Variants in MBTD1 observed in about 807,000 individuals in gnomAD.
MBTD1 encodes the protein MBT domain-containing protein 1.
A neutral mutation model predicts 87.8 loss-of-function variants in MBTD1; 24 were observed. The ratio of observed to expected loss-of-function variants is 0.27; its 90% confidence interval spans 0.20 to 0.38. The LOEUF is 0.38. MBTD1 is among the 10% of genes least tolerant of loss of function. The pLI, the probability that MBTD1 is intolerant of heterozygous loss-of-function variation, is 1.00. For synonymous variants in MBTD1, 237 were observed against 248.6 expected (o/e 0.95, Z 0.44); for missense variants, 436 against 760.2 (o/e 0.57, Z 5.02).
At chr17:51,233,801 A>G (rs923044184) in intron 2 of MBTD1, among the ~76,000 whole-genome samples, 11 of 152,292 alleles carry the variant, frequency 7.2e-5, no homozygotes, top group African/African-American at 2.4e-4. Flanking sequence ...CAACTCTGCC[A>G]ATACTGGTAT....
intron 6 of MBTD1, among the ~76,000 whole-genome samples, chr17:51,208,108 G>A (rs1810911116): frequency 6.6e-6 from 1 of 152,184 alleles, no homozygotes; most frequent in African/African-American, 2.4e-5. Flanking sequence ...TCCTACTTTG[G>A]TGGATGCTCA....
intron 2 of MBTD1, among the ~76,000 whole-genome samples, chr17:51,249,106 A>C (rs1453860703): frequency 1.3e-5 from 2 of 151,786 alleles, no homozygotes; most frequent in Admixed American, 1.3e-4. Context: ...AAAAAAAAAA[A>C]AAAATTAGCT....
At position 51,249,208 on chromosome 17, in the gene MBTD1, C is replaced by T. The variant is rs560289658; in HGVS notation, c.-49+9935G>A. Among the ~76,000 whole-genome samples, 14 of 151,812 alleles carry T rather than the reference C, an allele frequency of 9.2e-5. No individual in the cohort carries two copies. The East Asian group carries it at 1.7e-3, about 19-fold the overall frequency. On this transcript the variant is annotated intron_variant, in intron 2 of 16. Coordinates refer to ENST00000586178, the MANE Select transcript of MBTD1 (RefSeq NM_017643.3). ...CAGGGAGGTCAAGGCTGCAGTGAGC[C>T]GTGATCATGCCACTGTACTGCAGCC...
intron 6 of MBTD1, among the ~76,000 whole-genome samples, chr17:51,208,298 T>G (rs1426726068): frequency 6.6e-6 from 1 of 152,206 alleles, no homozygotes; most frequent in African/African-American, 2.4e-5. Flanking sequence ...CCTCAGTAAC[T>G]TGGAGAAATG....
At position 51,179,191 on chromosome 17, in the gene MBTD1, A is replaced by T. The variant is rs1167277808; in HGVS notation, c.*1385T>A. The T allele has an allele frequency of 6.6e-6, 1 of 151,976 alleles. No homozygotes were observed. The highest frequency in any genetic ancestry group is 1.5e-5 in the Non-Finnish European group (1 of 67,998). 9.4% of individuals were successfully genotyped at this position (151,976 alleles called of 1,614,324 possible). On this transcript the variant is annotated 3_prime_UTR_variant, in exon 17 of 17. Coordinates refer to ENST00000586178, the MANE Select transcript of MBTD1 (RefSeq NM_017643.3). ...ACCTATATTCCAGAGGAGATGGTCA[A>T]TATTACCACTCTGAAGAGGCCAGGC...
intron 2 of MBTD1, among the ~76,000 whole-genome samples, chr17:51,245,599 G>A (rs538946144): frequency 1.3e-4 from 20 of 151,466 alleles, no homozygotes; most frequent in African/African-American, 4.9e-4. Context: ...ATCTAGTTGC[G>A]CCAACATCCT....
chr17:51,226,366 A>C (rs928001267), intron 2 of MBTD1, among the ~76,000 whole-genome samples: 3 of 151,110 alleles, frequency 2.0e-5, no homozygotes, highest in African/African-American at 7.3e-5. Context: ...AAATGCAAAA[A>C]TTAGCTGAGT....
intron 2 of MBTD1, among the ~76,000 whole-genome samples, chr17:51,230,163 A>C (rs1294188583): frequency 6.6e-6 from 1 of 152,208 alleles, no homozygotes; most frequent in Non-Finnish European, 1.5e-5. Flanking sequence ...GATTTGCTAC[A>C]ATCAGAAGAT....
chr17:51,202,154 C>T (rs1598320716), intron 10 of MBTD1, 77 bp from the exon 11 acceptor site: 2 of 825,764 alleles, frequency 2.4e-6, no homozygotes, highest in East Asian at 2.4e-5. Flanking sequence ...AGGCTTCAAA[C>T]TCACAAAGTA....
At chr17:51,192,722 T>G (rs376039417) in intron 15 of MBTD1, 60 bp downstream of exon 15, 4 of 1,596,852 alleles carry the variant, frequency 2.5e-6, no homozygotes, top group Admixed American at 3.4e-5. Flanking sequence ...TTATGTGAGA[T>G]AGTCCTCTGG....
At chr17:51,237,310 A>AAG (rs1555694886) in intron 2 of MBTD1, among the ~76,000 whole-genome samples, 4 of 151,538 alleles carry the variant, frequency 2.6e-5, no homozygotes, top group African/African-American at 9.7e-5. Flanking sequence ...AAAAAAAAAA[A>AAG]AAAAAGAAAA....
In MBTD1 at chr17:51,206,820, A is replaced by C. The variant is rs989545262; in HGVS notation, c.604+68T>G. On this transcript the variant is annotated intron_variant, in intron 7 of 16. Transcript: ENST00000586178. Reference sequence around the variant, plus strand: ...GGCAATACTTGCAAAATTTATAAACATGCTTTTTTTACGAAAGGTTACAAG... The same window carrying C: ...GGCAATACTTGCAAAATTTATAAACCTGCTTTTTTTACGAAAGGTTACAAG... 5 of 1,110,888 alleles carry C rather than the reference A, an allele frequency of 4.5e-6. No homozygotes were observed. The African/African-American group carries it at 4.7e-5, about 10-fold the overall frequency. 68.8% of individuals were successfully genotyped at this position (1,110,888 alleles called of 1,614,324 possible). A position where few individuals can be genotyped will look rare whatever the true frequency, so the allele number is the denominator to read the frequency against.
chr17:51,255,588 CTTTT>C (rs200452852), intron 2 of MBTD1, among the ~76,000 whole-genome samples: 1 of 147,058 alleles, frequency 6.8e-6, no homozygotes, highest in African/African-American at 2.5e-5. Context: ...TGATGATAAC[CTTTT>C]TTTTTTCCTT....
At chr17:51,190,771 A>ATATATATATATATATAT (rs1555677217) in intron 16 of MBTD1, among the ~76,000 whole-genome samples, 6 of 133,664 alleles carry the variant, frequency 4.5e-5, no homozygotes, top group Admixed American at 7.5e-5. Flanking sequence ...ATATATATAT[A>ATATATATATATATATAT]ACCTTATCTA....
chr17:51,219,189 T>C (rs113352672), intron 4 of MBTD1, 145 bp from the exon 5 acceptor site: 6,264 of 568,906 alleles, frequency 0.011, 50 homozygotes, highest in Non-Finnish European at 0.014. Context: ...ACAAGAATTT[T>C]AACATGAGAA....
intron 2 of MBTD1, among the ~76,000 whole-genome samples, chr17:51,233,632 A>G (rs1009558750): frequency 6.6e-6 from 1 of 152,068 alleles, no homozygotes; most frequent in African/African-American, 2.4e-5. Context: ...TATTCAAGAA[A>G]GAGAAAACAG....
At chr17:51,242,387 C>G (rs1169728929) in intron 2 of MBTD1, among the ~76,000 whole-genome samples, 1 of 152,114 alleles carries the variant, frequency 6.6e-6, no homozygotes, top group Non-Finnish European at 1.5e-5. Context: ...TTTGCTCAAC[C>G]CTTTTAGACA....
At chr17:51,240,552 G>C (rs895435206) in intron 2 of MBTD1, among the ~76,000 whole-genome samples, 1 of 152,162 alleles carries the variant, frequency 6.6e-6, no homozygotes, top group East Asian at 1.9e-4. Flanking sequence ...TTTTTGGCAG[G>C]TACATGGCAG....
intron 2 of MBTD1, chr17:51,251,228 T>C (rs1242282320): frequency 6.6e-6 from 1 of 152,212 alleles, no homozygotes; most frequent in Non-Finnish European, 1.5e-5. Context: ...TGCTCTTTTC[T>C]ATTTCTGTTC....
Sources: gnomAD v4.1 joint callset for allele counts (sites outside exome capture counted in the v4.1 genomes callset) on GRCh38, gnomAD v4.1.1 for gene constraint, MANE v1.5 for transcripts, NCBI Gene and HGNC (gene_info 2026-07-23, HGNC 2026-07-21) for gene names.